ACAP2: variants seen among roughly 807,000 people sequenced by gnomAD.
ACAP2 encodes the protein ArfGAP with coiled-coil, ankyrin repeat and PH domains 2.
In ACAP2, 39 loss-of-function variants were observed where a neutral mutation model predicts 115.8. The observed-to-expected ratio is 0.34, with a 90% CI of 0.26 to 0.44. The LOEUF is 0.44. ACAP2 is among the 20% of genes least tolerant of loss of function. ACAP2 has a pLI of 1.00. For synonymous variants in ACAP2, 289 were observed against 315.8 expected (o/e 0.92, Z 0.90); for missense variants, 662 against 927.6 (o/e 0.71, Z 3.72).
intron 1 of ACAP2, among the ~76,000 whole-genome samples, chr3:195,429,126 A>C (rs900902445): frequency 2.0e-5 from 3 of 152,102 alleles, no homozygotes; most frequent in Non-Finnish European, 4.4e-5. Context: ...AGTGGCTCAC[A>C]CTTGTAATCC....
chr3:195,439,619 T>C (rs1006366455), intron 1 of ACAP2, among the ~76,000 whole-genome samples: 5 of 150,602 alleles, frequency 3.3e-5, no homozygotes, highest in African/African-American at 5.0e-5. Flanking sequence ...TTTTGGGTTT[T>C]TTTGTTTTTT....
intron 1 of ACAP2, chr3:195,412,867 G>A (rs1315691426): frequency 4.4e-6 from 2 of 456,314 alleles, no homozygotes; most frequent in Non-Finnish European, 8.8e-6. Flanking sequence ...CACTGTACTA[G>A]AGACTTAGGA....
At position 195,283,098 on chromosome 3, in the gene ACAP2, G is replaced by A. The variant is rs574437286; in HGVS notation, c.2236+2698C>T. Among the ~76,000 whole-genome samples, 31 of 152,170 alleles carry A rather than the reference G, an allele frequency of 2.0e-4. No homozygotes were observed. In the South Asian group the frequency reaches 3.9e-3, roughly 19 times the overall value. On this transcript the variant is annotated intron_variant, in intron 22 of 22. Transcript: ENST00000326793. ...GCTACATACTCACATAACCAGTAGC[G>A]GGTCCCTAAAGCAGTGATGATTCTC...
At chr3:195,315,513 G>A (rs1410393558) in intron 10 of ACAP2, among the ~76,000 whole-genome samples, 1 of 152,170 alleles carries the variant, frequency 6.6e-6, no homozygotes, top group African/African-American at 2.4e-5. Flanking sequence ...AAATAAAGAT[G>A]GTTTGGAATT....
In ACAP2 at chr3:195,291,779, C is replaced by G; in HGVS notation, c.1990G>C (p.Gly664Arg). The change falls in exon 20 of 23, where the codon GGT (glycine) becomes CGT (arginine). Residue 664 changes from glycine to arginine, a missense_variant. By Grantham distance (125) the Gly-to-Arg change is moderately radical. Coordinates refer to ENST00000326793, the MANE Select transcript of ACAP2 (RefSeq NM_012287.6). The part of the protein sequence containing the change: ...LVTCEFLLQN[G>R]ANVNQRDVQG... The stretch of plus-strand genomic sequence containing the variant: ...ACATCTCTTTGGTTGACATTAGCAC[C>G]ATTCTGTAGGAGGAACTCACACGTC... 6.2e-7 allele frequency: 1 copy of G among 1,613,812 alleles called. No homozygotes were observed. Among genetic ancestry groups the G allele is most frequent in the Non-Finnish European group, 8.5e-7 (1 of 1,179,910 alleles).
At chr3:195,310,077 T>C (rs891680222) in intron 10 of ACAP2, among the ~76,000 whole-genome samples, 4 of 152,118 alleles carry the variant, frequency 2.6e-5, no homozygotes, top group African/African-American at 9.7e-5. Context: ...TTAGCAGATA[T>C]TCTACCTTTT....
intron 4 of ACAP2, among the ~76,000 whole-genome samples, chr3:195,365,992 C>T (rs1005460738): frequency 2.6e-5 from 4 of 152,048 alleles, no homozygotes; most frequent in Non-Finnish European, 5.9e-5. Flanking sequence ...CAGGCACGCG[C>T]CACCACACCC....
intron 8 of ACAP2, among the ~76,000 whole-genome samples, chr3:195,328,678 T>C (rs911636687): frequency 1.3e-5 from 2 of 152,234 alleles, no homozygotes; most frequent in African/African-American, 2.4e-5. Flanking sequence ...CAGACTGAAA[T>C]GCAGTACAAG....
chr3:195,418,458 G>A (rs1257589059), intron 1 of ACAP2, among the ~76,000 whole-genome samples: 2 of 152,160 alleles, frequency 1.3e-5, no homozygotes, highest in Non-Finnish European at 2.9e-5. Context: ...CTGTTTTGTT[G>A]TTCTTGCCAG....
At chr3:195,415,655 CACTT>C (rs1713660281) in intron 1 of ACAP2, among the ~76,000 whole-genome samples, 1 of 152,112 alleles carries the variant, frequency 6.6e-6, no homozygotes, top group Non-Finnish European at 1.5e-5. Context: ...CCAGATAAAC[CACTT>C]ACTGACACTT....
At chr3:195,337,040 A>C in intron 6 of ACAP2, 64 bp from the exon 7 acceptor site, 1 of 1,384,576 alleles carries the variant, frequency 7.2e-7, no homozygotes, top group Non-Finnish European at 1.0e-6. Context: ...ATAATGCAAT[A>C]TTGTAAAGCT....
intron 1 of ACAP2, among the ~76,000 whole-genome samples, chr3:195,393,890 G>A (rs1001322403): frequency 6.9e-6 from 1 of 145,338 alleles, no homozygotes; most frequent in South Asian, 2.3e-4. Context: ...ATATTGGGGG[G>A]GGGGGAAGCA....
In ACAP2 at chr3:195,342,620, A is replaced by G. The variant is rs751616683; in HGVS notation, c.379T>C (p.Phe127Leu). 2 of 1,604,168 alleles carry G rather than the reference A, an allele frequency of 1.2e-6. No homozygotes were observed. Among genetic ancestry groups the G allele is most frequent in the African/African-American group, 1.4e-5 (1 of 73,978 alleles). ...LRKFKDAKKQ[F>L]EKVSEEKENA... Reference sequence around the variant, plus strand: ...TCTTTTTCTTCACTGACTTTTTCGAATTGCTTCTTGGCATCTTTGAATTTT... The same window carrying G: ...TCTTTTTCTTCACTGACTTTTTCGAGTTGCTTCTTGGCATCTTTGAATTTT... Residue 127 changes from phenylalanine to leucine, a missense_variant, in exon 6 of 23, where the codon TTC (phenylalanine) becomes CTC (leucine). Coordinates refer to ENST00000326793, the MANE Select transcript of ACAP2 (RefSeq NM_012287.6).
intron 22 of ACAP2, among the ~76,000 whole-genome samples, chr3:195,281,422 G>GA (rs778787972): frequency 6.6e-5 from 10 of 151,776 alleles, no homozygotes; most frequent in East Asian, 1.9e-4. Flanking sequence ...GAAAAAAAAG[G>GA]AAAAAAAATC....
At chr3:195,297,321 A>G (rs1410424020) in intron 15 of ACAP2, 40 bp from the exon 16 acceptor site, 2 of 1,548,968 alleles carry the variant, frequency 1.3e-6, no homozygotes, top group Admixed American at 1.8e-5. Flanking sequence ...GCTATACATT[A>G]AAGACCTTAA....
chr3:195,393,117 C>T (rs1187944929), intron 1 of ACAP2, among the ~76,000 whole-genome samples: 1 of 152,020 alleles, frequency 6.6e-6, no homozygotes, highest in Non-Finnish European at 1.5e-5. Flanking sequence ...GGAAGGACTG[C>T]TTGGACCCAA....
chr3:195,388,648 T>C (rs1734455067), intron 2 of ACAP2, among the ~76,000 whole-genome samples: 1 of 152,156 alleles, frequency 6.6e-6, no homozygotes, highest in Non-Finnish European at 1.5e-5. Context: ...CTACCTTCAA[T>C]AACAACCACT....
Position 195,346,004 on chromosome 3 carries a change from T to C in ACAP2, c.286-687A>G, listed in dbSNP as rs549839989. Among the ~76,000 whole-genome samples, 10 of 152,234 alleles carry C rather than the reference T, an allele frequency of 6.6e-5. No homozygotes were observed. In the East Asian group the frequency reaches 1.5e-3, roughly 23 times the overall value. ...CTTCATTCAGAGTTTGAAATAAAGT[T>C]AGATGAACAGGCAGAAATATCAATA... is the stretch of plus-strand genomic sequence containing the variant. On this transcript the variant is annotated intron_variant, in intron 4 of 22. Coordinates refer to ENST00000326793, the MANE Select transcript of ACAP2 (RefSeq NM_012287.6).
Position 195,345,321 on chromosome 3 carries a change from AAAAAT to A in ACAP2, c.286-9_286-5del, listed in dbSNP as rs1560268338. ...TCTGAGTTTGGTCAAACAGGATCTA[AAAAAT>A]AAAATGTAATATTAAGTGATTAGAA... is the stretch of plus-strand genomic sequence containing the variant. On this transcript the variant is annotated splice_region_variant and splice_polypyrimidine_tract_variant and intron_variant, in intron 4 of 22. Coordinates refer to ENST00000326793, the MANE Select transcript of ACAP2 (RefSeq NM_012287.6). 1.3e-6 allele frequency: 2 copies of A among 1,591,102 alleles called. No individual in the cohort carries two copies. The highest frequency in any genetic ancestry group is 3.3e-5 in the Admixed American group (2 of 59,720).
Sources: gnomAD v4.1 joint callset for allele counts (sites outside exome capture counted in the v4.1 genomes callset) on GRCh38, gnomAD v4.1.1 for gene constraint, MANE v1.5 for transcripts, NCBI Gene and HGNC (gene_info 2026-07-23, HGNC 2026-07-21) for gene names.